The following SLC45A4 variants were observed in gnomAD, a reference collection of about 807,000 sequenced individuals.
SLC45A4 encodes polyamine-transporter SLC45A4.
Under a neutral mutation model 63.7 loss-of-function variants are expected in SLC45A4, and 32 were observed. The ratio of observed to expected loss-of-function variants is 0.50; its 90% confidence interval spans 0.38 to 0.67. The LOEUF (loss-of-function observed/expected upper bound fraction) is 0.67, where lower values mean the gene tolerates loss of function less well. Among genes scored for constraint, SLC45A4 ranks in the 30% least tolerant of loss-of-function variants. SLC45A4 has a pLI of 0.00. For missense variants in SLC45A4, 1,027 were observed against 1,157.7 expected (o/e 0.89, Z 1.64); for synonymous variants, 535 against 510.0 (o/e 1.05, Z -0.66).
chr8:141,230,580 T>TG (rs1196039545), intron 2 of SLC45A4, among the ~76,000 whole-genome samples: 1 of 152,138 alleles, frequency 6.6e-6, no homozygotes, highest in African/African-American at 2.4e-5. Flanking sequence ...CCCTGGTGGC[T>TG]GGGGGGCCGC....
rs565543304 is a variant in SLC45A4, at chr8:141,212,172, G to A, written c.2301+25C>T. The A allele has an allele frequency of 1.8e-4, 163 of 924,458 alleles. 2 individuals are homozygous for A. The East Asian group carries it at 0.014, about 82-fold the overall frequency. 57.3% of individuals were successfully genotyped at this position (924,458 alleles called of 1,614,324 possible). On this transcript the variant is annotated intron_variant, in intron 8 of 8. Transcript: ENST00000517878. Reference sequence around the variant, plus strand: ...CCCGCCCACCCGCCCACTGGAATGTGTGTAAACGGGAGTGCGGCTCAGACC... The same window carrying A: ...CCCGCCCACCCGCCCACTGGAATGTATGTAAACGGGAGTGCGGCTCAGACC...
rs1825614469 is a variant in SLC45A4 at position 141,208,050 on chromosome 8, G to C, written c.*3522C>G. 6.6e-6 allele frequency: 1 copy of C among 152,440 alleles called. No homozygotes were observed. Among genetic ancestry groups the C allele is most frequent in the South Asian group, 2.1e-4 (1 of 4,834 alleles). 9.4% of individuals were successfully genotyped at this position (152,440 alleles called of 1,614,324 possible). ...GGTGGGAGGCGGAGGGACAAACGAG[G>C]CTGACTCCGCAGCAGCAGTCCCTCA... On this transcript the variant is annotated 3_prime_UTR_variant, in exon 9 of 9. Transcript: ENST00000517878.
chr8:141,281,535 C>CG (rs1280199003), intron 1 of SLC45A4, among the ~76,000 whole-genome samples: 1 of 152,212 alleles, frequency 6.6e-6, no homozygotes, highest in African/African-American at 2.4e-5. Flanking sequence ...TCCGCGGCAG[C>CG]ACGTGGCCCC....
In SLC45A4 at chr8:141,250,762, C is replaced by T. The variant is rs78965841; in HGVS notation, c.241+3227G>A. 6.6e-5 allele frequency among the ~76,000 whole-genome samples: 10 copies of T among 152,272 alleles called. No homozygotes were observed. The East Asian group carries it at 7.7e-4, about 12-fold the overall frequency. ...GCGGTAGGTGTGTTAAATCCATTTTCGACTCAAGGTATTTTCAACGATGGG... is the reference window on the plus strand; with the variant it reads ...GCGGTAGGTGTGTTAAATCCATTTTTGACTCAAGGTATTTTCAACGATGGG... On this transcript the variant is annotated intron_variant, in intron 2 of 8. Coordinates refer to ENST00000517878, the MANE Select transcript of SLC45A4 (RefSeq NM_001286646.2).
In SLC45A4 at chr8:141,278,670, G is replaced by T. The variant is rs1829826574; in HGVS notation, c.-400-24041C>A. On this transcript the variant is annotated intron_variant, in intron 1 of 8. Transcript: ENST00000517878. This position sits in a 1 kb window ranked among gnomAD's most constrained non-coding sequence, Gnocchi z 4.1. ...GGGCAGCACAGGCAAGCAAGTGGAG[G>T]AAATAGAGGAACTGTGAGTGAGCAG... Among the ~76,000 whole-genome samples, 1 of 152,258 alleles carries T rather than the reference G, an allele frequency of 6.6e-6. No homozygotes were observed. The highest frequency in any genetic ancestry group is 2.1e-4 in the South Asian group (1 of 4,834).
At position 141,218,081 on chromosome 8, in the gene SLC45A4, A is replaced by T. The variant is rs757856575; in HGVS notation, c.1559T>A (p.Phe520Tyr). ...GAACACGGCCTCGGCGATGACAGAG[A>T]ACCAGGTGAGGAGGTGGCAGAGGCA... is the stretch of plus-strand genomic sequence containing the variant. ...RLCLCHLLTW[F>Y]SVIAEAVFYT... Residue 520 changes from phenylalanine to tyrosine, a missense_variant, in exon 5 of 9, where the codon TTC becomes TAC. Physicochemically the swap from Phe to Tyr is conservative, Grantham distance 22. Transcript: ENST00000517878. 4.3e-6 allele frequency: 7 copies of T among 1,612,794 alleles called. No homozygotes were observed. The highest frequency in any genetic ancestry group is 1.7e-5 in the Admixed American group (1 of 60,000).
Position 141,211,568 on chromosome 8 carries a change from T to A in SLC45A4, c.*4A>T. On this transcript the variant is annotated 3_prime_UTR_variant, in exon 9 of 9. Coordinates refer to ENST00000517878, the MANE Select transcript of SLC45A4 (RefSeq NM_001286646.2). ...CGCTGAGGAAAAGAAGATACGTCAT[T>A]CTTCTAAGAGAACCACATTGTGGAA... is the stretch of plus-strand genomic sequence containing the variant. 6.2e-7 allele frequency: 1 copy of A among 1,613,388 alleles called. No individual in the cohort carries two copies. Among genetic ancestry groups the A allele is most frequent in the Non-Finnish European group, 8.5e-7 (1 of 1,179,980 alleles).
At chr8:141,222,555 T>A (rs527744747) in intron 2 of SLC45A4, among the ~76,000 whole-genome samples, 1 of 152,322 alleles carries the variant, frequency 6.6e-6, no homozygotes, top group South Asian at 2.1e-4. Context: ...GCTACCTGAT[T>A]TCAAACTCTG....
At chr8:141,219,910 G>A in intron 3 of SLC45A4, 81 bp from the exon 4 acceptor site, 3 of 1,364,970 alleles carry the variant, frequency 2.2e-6, no homozygotes, top group Non-Finnish European at 2.9e-6. Flanking sequence ...CACATGGAAG[G>A]GGCATGCGGA....
At chr8:141,244,168 G>A (rs1335062131) in intron 2 of SLC45A4, among the ~76,000 whole-genome samples, 1 of 152,204 alleles carries the variant, frequency 6.6e-6, no homozygotes. Flanking sequence ...AGGAGGTTCT[G>A]TCTCGGGCAC....
intron 1 of SLC45A4, among the ~76,000 whole-genome samples, chr8:141,296,289 T>C (rs1408195453): frequency 6.6e-6 from 1 of 151,474 alleles, no homozygotes; most frequent in Non-Finnish European, 1.5e-5. Context: ...TGAAGTGCAG[T>C]TGCCCACTGC....
intron 1 of SLC45A4, among the ~76,000 whole-genome samples, chr8:141,302,849 C>A (rs1327652952): frequency 6.6e-6 from 1 of 152,162 alleles, no homozygotes; most frequent in Non-Finnish European, 1.5e-5. Flanking sequence ...AAAAAACTTA[C>A]AAAATATTCC....
chr8:141,255,128 C>T (rs4961259), intron 1 of SLC45A4, among the ~76,000 whole-genome samples: 43,458 of 152,032 alleles, frequency 0.29, 6,666 homozygotes, highest in East Asian at 0.48. Context: ...GGTCTCGCTC[C>T]GTTGCCCAGG....
At position 141,256,810 on chromosome 8, in the gene SLC45A4, C is replaced by T. The variant is rs1828815006; in HGVS notation, c.-400-2181G>A. 1 of 343,002 alleles carries T rather than the reference C, an allele frequency of 2.9e-6. No homozygotes were observed. 21.2% of individuals were successfully genotyped at this position (343,002 alleles called of 1,614,324 possible). A position where few individuals can be genotyped will look rare whatever the true frequency, so the allele number is the denominator to read the frequency against. On this transcript the variant is annotated intron_variant, in intron 1 of 8. Coordinates refer to ENST00000517878, the MANE Select transcript of SLC45A4 (RefSeq NM_001286646.2). The surrounding 1 kb of genome is among the most constrained non-coding windows in gnomAD (Gnocchi z 4.3). ...ACATCTCAATTAAAACAAGAGTTTC[C>T]AAACTGTCACCTTACTGCAATATTT...
At chr8:141,271,675 C>A (rs1829527126) in intron 1 of SLC45A4, among the ~76,000 whole-genome samples, 1 of 152,216 alleles carries the variant, frequency 6.6e-6, no homozygotes, top group South Asian at 2.1e-4. Flanking sequence ...AAACAACTGG[C>A]AGGGGAGAGC....
At position 141,286,692 on chromosome 8, in the gene SLC45A4, C is replaced by T. The variant is rs188639798; in HGVS notation, c.-401+21404G>A. Among the ~76,000 whole-genome samples, 302 of 151,896 alleles carry T rather than the reference C, an allele frequency of 2.0e-3. 2 individuals are homozygous for T. The highest frequency in any genetic ancestry group is 4.3e-4 in the Non-Finnish European group (29 of 67,962). ...GCCCCAGGAATGGGTAAGGCCCCAACTTTAACTTCTTTCCCACTTGTTCGC... is the reference window on the plus strand; with the variant it reads ...GCCCCAGGAATGGGTAAGGCCCCAATTTTAACTTCTTTCCCACTTGTTCGC... On this transcript the variant is annotated intron_variant, in intron 1 of 8. Coordinates refer to ENST00000517878, the MANE Select transcript of SLC45A4 (RefSeq NM_001286646.2).
Position 141,215,534 on chromosome 8 carries a change from TA to T in SLC45A4, c.1941+224del, listed in dbSNP as rs1275513717. On this transcript the variant is annotated intron_variant, in intron 7 of 8. Transcript: ENST00000517878. The surrounding 1 kb of genome is among the most constrained non-coding windows in gnomAD (Gnocchi z 4.3). ...TGCCTCCAGAAGCCTCTGGAGGTGC[TA>T]GGGGGGTGGGGGCGGCTGAAGGAGA... is the stretch of plus-strand genomic sequence containing the variant. 2.0e-5 allele frequency among the ~76,000 whole-genome samples: 3 copies of T among 151,598 alleles called. No individual in the cohort carries two copies. Among genetic ancestry groups the T allele is most frequent in the Admixed American group, 6.6e-5 (1 of 15,244 alleles).
At chr8:141,212,688 C>A (rs1009372000) in intron 7 of SLC45A4, 132 bp from the exon 8 acceptor site, 47 of 1,076,116 alleles carry the variant, frequency 4.4e-5, no homozygotes, top group Non-Finnish European at 5.3e-5. Flanking sequence ...GGCAACCACT[C>A]CTGCCTGAGC....
chr8:141,244,570 A>G (rs189612130), intron 2 of SLC45A4, among the ~76,000 whole-genome samples: 1 of 152,286 alleles, frequency 6.6e-6, no homozygotes, highest in African/African-American at 2.4e-5. Flanking sequence ...CCTGGAGCAC[A>G]TGTGAACACT....
Sources: gnomAD v4.1 joint callset for allele counts (sites outside exome capture counted in the v4.1 genomes callset) on GRCh38, gnomAD v4.1.1 for gene constraint, Gnocchi (gnomAD v3.1) non-coding constraint, MANE v1.5 for transcripts, NCBI Gene and HGNC (gene_info 2026-07-23, HGNC 2026-07-21) for gene names.